Variants in UPP2 observed in about 807,000 individuals in gnomAD.
UPP2 encodes uridine phosphorylase 2.
In UPP2, 23 loss-of-function variants were observed where a neutral mutation model predicts 26.7. The observed-to-expected ratio is 0.86, with a 90% CI of 0.62 to 1.22. The LOEUF (loss-of-function observed/expected upper bound fraction) is 1.22, where lower values mean the gene tolerates loss of function less well. Among genes scored for constraint, UPP2 ranks in the 50% most tolerant of loss-of-function variants. The pLI is 0.00. For synonymous variants in UPP2, 127 were observed against 141.3 expected (o/e 0.90, Z 0.72); for missense variants, 387 against 396.7 (o/e 0.98, Z 0.21).
chr2:158,008,138 A>T (rs16842387), intron 2 of UPP2, among the ~76,000 whole-genome samples: 2,259 of 152,322 alleles, frequency 0.015, 52 homozygotes, highest in African/African-American at 0.051. Flanking sequence ...GGCTTTTCCT[A>T]GAGATGAGAA....
chr2:158,091,031 T>C (rs962105672), intron 3 of UPP2, among the ~76,000 whole-genome samples: 5 of 152,236 alleles, frequency 3.3e-5, no homozygotes, highest in Non-Finnish European at 5.9e-5. Context: ...GGCACGTGGG[T>C]ACAAAAACAG....
At chr2:158,090,317 C>T (rs1359486840) in intron 3 of UPP2, among the ~76,000 whole-genome samples, 4 of 151,994 alleles carry the variant, frequency 2.6e-5, no homozygotes, top group Non-Finnish European at 4.4e-5. Flanking sequence ...CTGGCTAACA[C>T]GGTGAAACCC....
intron 3 of UPP2, among the ~76,000 whole-genome samples, chr2:158,047,503 C>T (rs1026572175): frequency 6.6e-6 from 1 of 152,114 alleles, no homozygotes; most frequent in South Asian, 2.1e-4. Context: ...GGTTTAAACC[C>T]GGGCATTGTT....
chr2:158,045,714 C>T (rs1558913390), intron 3 of UPP2, among the ~76,000 whole-genome samples: 1 of 152,054 alleles, frequency 6.6e-6, no homozygotes, highest in Admixed American at 6.5e-5. Context: ...TCTCAGTAAG[C>T]GTGTTTTGAT....
At position 158,118,039 on chromosome 2, in the gene UPP2, T is replaced by C. The variant is rs955870425; in HGVS notation, c.454+101T>C. ...ATTCAGAGCCCAGCAAAAGCCCAGA[T>C]GGGCTAAAAAGTGTCAGAAGGCTGG... On this transcript the variant is annotated intron_variant, in intron 4 of 6. Coordinates refer to ENST00000005756, the MANE Select transcript of UPP2 (RefSeq NM_173355.4). The C allele has an allele frequency of 2.0e-5, 20 of 988,114 alleles. No homozygotes were observed. The African/African-American group carries it at 2.9e-4, about 14-fold the overall frequency. The allele number at this position is 988,114 out of a possible 1,614,324, so 61.2% of individuals were successfully genotyped here.
chr2:158,129,656 C>T (rs1331061117), intron 6 of UPP2, among the ~76,000 whole-genome samples: 1 of 150,302 alleles, frequency 6.7e-6, no homozygotes, highest in Non-Finnish European at 1.5e-5. Context: ...TTTAAAAAAG[C>T]ATTTGTGGCA....
At chr2:158,017,458 G>T (rs1683678899) in intron 3 of UPP2, among the ~76,000 whole-genome samples, 1 of 152,046 alleles carries the variant, frequency 6.6e-6, no homozygotes, top group Non-Finnish European at 1.5e-5. Flanking sequence ...ATCTTGAAAT[G>T]GCTATTTACC....
intron 3 of UPP2, among the ~76,000 whole-genome samples, chr2:158,039,307 G>T (rs1370839315): frequency 6.6e-6 from 1 of 152,186 alleles, no homozygotes; most frequent in African/African-American, 2.4e-5. Context: ...GCACTAGCAA[G>T]CTGTGTCACA....
chr2:158,003,153 TAGG>T (rs1683435003), intron 2 of UPP2, among the ~76,000 whole-genome samples: 1 of 151,912 alleles, frequency 6.6e-6, no homozygotes, highest in African/African-American at 2.4e-5. Context: ...TGTCACAACT[TAGG>T]GGGCTCAGGG....
At chr2:158,017,333 G>A (rs1683675446) in intron 3 of UPP2, among the ~76,000 whole-genome samples, 1 of 152,084 alleles carries the variant, frequency 6.6e-6, no homozygotes, top group Admixed American at 6.6e-5. Context: ...GGTACCTTGT[G>A]AATAATAGAA....
intron 4 of UPP2, among the ~76,000 whole-genome samples, chr2:158,118,445 G>A (rs1332905865): frequency 6.6e-6 from 1 of 151,902 alleles, no homozygotes; most frequent in Non-Finnish European, 1.5e-5. Flanking sequence ...ACCAGGCCAG[G>A]CTTTCAGGGA....
chr2:158,018,199 A>G (rs1683691127), intron 3 of UPP2, among the ~76,000 whole-genome samples: 1 of 152,252 alleles, frequency 6.6e-6, no homozygotes. Context: ...AGTTTTAGTG[A>G]CTAAATAAAA....
intron 2 of UPP2, among the ~76,000 whole-genome samples, chr2:158,013,389 T>C (rs1683610745): frequency 6.6e-6 from 1 of 152,240 alleles, no homozygotes; most frequent in Non-Finnish European, 1.5e-5. Context: ...TTTAGGCATA[T>C]GGGCATCCAT....
chr2:158,025,656 G>T (rs1683822346), intron 3 of UPP2, among the ~76,000 whole-genome samples: 1 of 152,232 alleles, frequency 6.6e-6, no homozygotes, highest in Non-Finnish European at 1.5e-5. Context: ...GGGATAGGTT[G>T]GAAAATATAG....
At chr2:158,100,296 C>T (rs77095786), upstream of UPP2, among the ~76,000 whole-genome samples, 3,499 of 152,314 alleles carry the variant, frequency 0.023, 139 homozygotes, top group African/African-American at 0.08. Flanking sequence ...TTACCTGGCA[C>T]TGTTAGTGAT....
At chr2:158,131,541 G>T (rs143970388) in intron 6 of UPP2, among the ~76,000 whole-genome samples, 67 of 152,276 alleles carry the variant, frequency 4.4e-4, no homozygotes, top group African/African-American at 1.6e-3. Flanking sequence ...TTTCAAAGCA[G>T]CCATAAATGT....
At chr2:158,114,549 A>G (rs559515531) in intron 2 of UPP2, among the ~76,000 whole-genome samples, 2 of 152,262 alleles carry the variant, frequency 1.3e-5, no homozygotes, top group Non-Finnish European at 2.9e-5. Context: ...ATTTACAATA[A>G]TAAGGCTTGT....
intron 3 of UPP2, among the ~76,000 whole-genome samples, chr2:158,049,917 T>C (rs1682121148): frequency 6.6e-6 from 1 of 152,226 alleles, no homozygotes. Context: ...GCAAAATAGC[T>C]CTTATGTGAT....
chr2:158,099,345 A>G (rs200060609), upstream of UPP2, among the ~76,000 whole-genome samples: 6 of 152,168 alleles, frequency 3.9e-5, no homozygotes, highest in East Asian at 5.8e-4. Flanking sequence ...TGCTGGTGCT[A>G]TGGGCTGAAT....
Sources: gnomAD v4.1 joint callset for allele counts (sites outside exome capture counted in the v4.1 genomes callset) on GRCh38, gnomAD v4.1.1 for gene constraint, MANE v1.5 for transcripts, NCBI Gene and HGNC (gene_info 2026-07-23, HGNC 2026-07-21) for gene names.